Variants in ZNF208 observed in about 807,000 individuals in gnomAD.
The protein encoded by ZNF208 is zinc finger protein 208, also known as zinc finger protein 95.
In ZNF208, 10 loss-of-function variants were observed where a neutral mutation model predicts 12.1. That is an observed-to-expected ratio of 0.83 (90% confidence interval 0.51 to 1.40). The LOEUF (loss-of-function observed/expected upper bound fraction) is 1.40. ZNF208 is among the 40% of genes most tolerant of loss of function. ZNF208 has a pLI of 0.00. For missense variants in ZNF208, 1,652 were observed against 1,485.0 expected, an observed-to-expected ratio of 1.11 and a Z score of -1.85; for synonymous variants, 497 against 488.4, an observed-to-expected ratio of 1.02 and a Z score of -0.23.
Position 21,969,625 on chromosome 19 carries a change from T to C in ZNF208, c.*1566A>G, listed in dbSNP as rs1023313895. Among the ~76,000 whole-genome samples the C allele has an allele frequency of 6.6e-6, 1 of 152,172 alleles. No individual in the cohort carries two copies. Among genetic ancestry groups the C allele is most frequent in the Non-Finnish European group, 1.5e-5 (1 of 68,030 alleles). ...TTCCAAATTTATTAAATTTGCAGGG[T>C]TATTCTTCAATATAAATTCCCTGAT... is the stretch of plus-strand genomic sequence containing the variant. On this transcript the variant is annotated 3_prime_UTR_variant, in exon 4 of 4. Transcript: ENST00000397126.
intron 1 of ZNF208, among the ~76,000 whole-genome samples, chr19:22,007,718 AG>A (rs1207070116): frequency 6.6e-6 from 1 of 151,550 alleles, no homozygotes; most frequent in East Asian, 2.0e-4. Flanking sequence ...AACTGAGGTC[AG>A]CCGGGCACAG....
At chr19:22,002,195 C>A (rs1037716278) in intron 1 of ZNF208, among the ~76,000 whole-genome samples, 1 of 152,068 alleles carries the variant, frequency 6.6e-6, no homozygotes, top group Non-Finnish European at 1.5e-5. Flanking sequence ...AAGATGCATA[C>A]GTCAAAATAG....
At chr19:21,959,186 A>G (rs762819701) in intron 4 of ZNF208, among the ~76,000 whole-genome samples, 1 of 152,210 alleles carries the variant, frequency 6.6e-6, no homozygotes, top group Non-Finnish European at 1.5e-5. Flanking sequence ...GTGCATATTT[A>G]AATTTATAAA....
Position 21,973,377 on chromosome 19 carries a change from A to T in ZNF208, c.1657T>A (p.Tyr553Asn). The change falls in exon 4 of 4, where the codon TAC becomes AAC. Residue 553 changes from tyrosine (Y) to asparagine (N), a missense_variant. Physicochemically the swap from Tyr to Asn is moderately radical, Grantham distance 143. This residue lies in a region of ZNF208 where 1,239 missense variants were observed against 1,086.2 expected (regional missense o/e 1.14). Transcript: ENST00000397126. ...GCTTTGCCACATTCTTCACATTTGT[A>T]GGGTTTCTCTCCAGTATGAATTACC... ...HKVIHTGEKP[Y>N]KCEECGKAYK... The T allele has an allele frequency of 6.2e-7, 1 of 1,611,716 alleles. No homozygotes were observed. The highest frequency in any genetic ancestry group is 8.5e-7 in the Non-Finnish European group (1 of 1,179,806).
In ZNF208 at chr19:21,973,995, CA is replaced by C. The variant is rs1970371095; in HGVS notation, c.1038del (p.Cys346TrpfsTer16). 6.3e-7 allele frequency: 1 copy of C among 1,599,864 alleles called. No individual in the cohort carries two copies. The highest frequency in any genetic ancestry group is 1.4e-5 in the African/African-American group (1 of 73,528). On this transcript the variant is annotated frameshift_variant, in exon 4 of 4. Transcript: ENST00000397126. LOFTEE classifies it low-confidence loss of function (END_TRUNC). ...ATTGAGAACTTACTAAAGGCTTTGC[CA>C]CATTCTTTACATTTGTAGGGCTTCT... ...AGEKPYKCKECGKAFSKFSIL... is the reference protein window; with the variant it reads ...AGEKPYKCKEXGKAFSKFSIL...
At chr19:21,950,375 T>C (rs551088611) in intron 4 of ZNF208, among the ~76,000 whole-genome samples, 1 of 152,278 alleles carries the variant, frequency 6.6e-6, no homozygotes, top group Non-Finnish European at 1.5e-5. Context: ...AAAAGATCTC[T>C]GCTTTTTTTC....
At position 21,984,543 on chromosome 19, in the gene ZNF208, C is replaced by G. The variant is rs947993979; in HGVS notation, c.226+2673G>C. On this transcript the variant is annotated intron_variant, in intron 3 of 3. Transcript: ENST00000397126. ...ACTCCAGCCTGGTGATAGAGTAAGA[C>G]TCTGTCTCAAAAAAACAAAAACAAA... 2.2e-4 allele frequency among the ~76,000 whole-genome samples: 34 copies of G among 152,102 alleles called. 1 individual carries two copies. The highest frequency in any genetic ancestry group is 6.0e-4 in the African/African-American group (25 of 41,480).
chr19:21,961,133 G>C (rs1295147694), downstream of ZNF208, among the ~76,000 whole-genome samples: 8 of 152,128 alleles, frequency 5.3e-5, no homozygotes, highest in Admixed American at 2.6e-4. Context: ...TTTCAACATA[G>C]GTTCTTTCTA....
At chr19:22,009,899 C>A (rs542294996) in intron 1 of ZNF208, among the ~76,000 whole-genome samples, 45 of 152,084 alleles carry the variant, frequency 3.0e-4, no homozygotes, top group Middle Eastern at 3.4e-3. Context: ...ATTAAGAAAC[C>A]ACAAGGCCGG....
chr19:21,989,368 G>A (rs1305148033), intron 1 of ZNF208, among the ~76,000 whole-genome samples: 5 of 150,930 alleles, frequency 3.3e-5, no homozygotes, highest in Admixed American at 6.6e-5. Flanking sequence ...ATAGTTTACT[G>A]AGAATGTTCC....
intron 4 of ZNF208, among the ~76,000 whole-genome samples, chr19:21,955,996 G>T (rs993412150): frequency 5.3e-5 from 8 of 152,038 alleles, no homozygotes; most frequent in Non-Finnish European, 1.2e-4. Context: ...TGATGATGGT[G>T]ATGTACAGAT....
chr19:22,007,384 G>C (rs1178718064), intron 1 of ZNF208, among the ~76,000 whole-genome samples: 1 of 151,462 alleles, frequency 6.6e-6, no homozygotes, highest in Non-Finnish European at 1.5e-5. Flanking sequence ...GCTGGGCGTG[G>C]TGGCGGGCTC....
At chr19:21,993,388 A>G (rs577735658) in intron 1 of ZNF208, among the ~76,000 whole-genome samples, 1 of 152,282 alleles carries the variant, frequency 6.6e-6, no homozygotes, top group Non-Finnish European at 1.5e-5. Context: ...TTAGAGTCAC[A>G]TGAGCCACTT....
chr19:21,941,542 GT>G (rs5827514), intron 4 of ZNF208: 219,364 of 383,318 alleles, frequency 0.57, 62,225 homozygotes, highest in East Asian at 0.67. Context: ...AAAGTTATTT[GT>G]TTTTTTTTAA....
intron 2 of ZNF208, 60 bp downstream of exon 2, chr19:21,988,723 T>C (rs1970668682): frequency 1.2e-6 from 2 of 1,611,300 alleles, no homozygotes; most frequent in Admixed American, 1.7e-5. Flanking sequence ...TCCAATAAGG[T>C]CTGCAGCAAA....
chr19:21,972,386 T>C lies in ZNF208; in HGVS notation c.2648A>G (p.His883Arg), dbSNP rs1970312562. The C allele has an allele frequency of 2.5e-6, 4 of 1,612,610 alleles. No homozygotes were observed. Among genetic ancestry groups the C allele is most frequent in the Non-Finnish European group, 2.5e-6 (3 of 1,179,288 alleles). Reference sequence around the variant, plus strand: ...ACATTTGTAGGGTTTCTCTCCAGTATGAATTTTCTTATGATAACTAAGGGT... The same window carrying C: ...ACATTTGTAGGGTTTCTCTCCAGTACGAATTTTCTTATGATAACTAAGGGT... ...PSTLSYHKKIHTGEKPYKCEE... is the reference protein window; with the variant it reads ...PSTLSYHKKIRTGEKPYKCEE... The change falls in exon 4 of 4, where the codon CAT becomes CGT. Residue 883 changes from histidine to arginine, a missense_variant. By Grantham distance (29) the His-to-Arg change is conservative. Coordinates refer to ENST00000397126, the MANE Select transcript of ZNF208 (RefSeq NM_007153.3).
At chr19:21,957,580 C>A (rs1249696428) in intron 4 of ZNF208, among the ~76,000 whole-genome samples, 2 of 152,120 alleles carry the variant, frequency 1.3e-5, no homozygotes, top group Non-Finnish European at 2.9e-5. Flanking sequence ...GCTCTTGGAA[C>A]CTCAAAAATA....
chr19:21,955,234 G>C (rs1300112100), intron 4 of ZNF208, among the ~76,000 whole-genome samples: 2 of 152,200 alleles, frequency 1.3e-5, no homozygotes, highest in African/African-American at 4.8e-5. Flanking sequence ...TGGGTAACCT[G>C]ACCTTTCTCT....
intron 1 of ZNF208, among the ~76,000 whole-genome samples, chr19:22,005,664 T>C (rs568123470): frequency 1.2e-4 from 18 of 152,150 alleles, no homozygotes; most frequent in South Asian, 4.1e-4. Context: ...TGTTTAAAAA[T>C]TGGGGACTCC....
Sources: allele counts gnomAD v4.1 joint callset (sites outside exome capture counted in the v4.1 genomes callset), GRCh38; gene constraint gnomAD v4.1.1; regional missense constraint gnomAD v4.1.1; transcripts MANE v1.5; gene names NCBI Gene and HGNC (gene_info 2026-07-23, HGNC 2026-07-21).